IRGM: variants seen among roughly 807,000 people sequenced by gnomAD.
IRGM encodes the protein immunity related GTPase M.
For missense variants in IRGM, 288 were observed against 219.9 expected (o/e 1.31, Z -1.96); for synonymous variants, 98 against 80.6 (o/e 1.22, Z -1.16).
At chr5:150,855,281 A>ATTAAAAATAAATGTAATAATTGGCAGC (rs1310577913) in intron 1 of IRGM, among the ~76,000 whole-genome samples, 8 of 152,244 alleles carry the variant, frequency 5.3e-5, no homozygotes, top group African/African-American at 1.9e-4. Flanking sequence ...TTATTTTCTA[A>ATTAAAAATAAATGTAATAATTGGCAGC]TTAAAAATAA....
Position 150,848,089 on chromosome 5 carries a change from C to T in IRGM, c.-35C>T, listed in dbSNP as rs146896406. 6.8e-4 allele frequency: 1,024 copies of T among 1,497,344 alleles called. 6 individuals carry two copies. The African/African-American group carries it at 0.01, about 15-fold the overall frequency. The allele number at this position is 1,497,344 out of a possible 1,614,324, so 92.8% of individuals were successfully genotyped here. A position where few individuals can be genotyped will look rare whatever the true frequency, so the allele number is the denominator to read the frequency against. Reference sequence around the variant, plus strand: ...GTGCTGGGATTACAGGCATGAGCCACGGCGCCTGGCCAGCATTGGGGTATT... The same window carrying T: ...GTGCTGGGATTACAGGCATGAGCCATGGCGCCTGGCCAGCATTGGGGTATT... On this transcript the variant is annotated 5_prime_UTR_variant, in exon 2 of 2. The change creates a new upstream start codon in the 5' untranslated region. Transcript: ENST00000522154.
At chr5:150,871,284 A>T (rs965186229) in intron 1 of IRGM, among the ~76,000 whole-genome samples, 2 of 152,220 alleles carry the variant, frequency 1.3e-5, no homozygotes, top group African/African-American at 2.4e-5. Context: ...AATGAGATTT[A>T]AAAAGATTTT....
intron 1 of IRGM, among the ~76,000 whole-genome samples, chr5:150,857,597 C>T (rs1327487051): frequency 2.0e-5 from 3 of 150,094 alleles, no homozygotes; most frequent in Admixed American, 6.6e-5. Flanking sequence ...CCTGTTGTTT[C>T]CTGACTTTTT....
At chr5:150,858,716 G>T (rs1036318861) in intron 1 of IRGM, among the ~76,000 whole-genome samples, 1 of 151,990 alleles carries the variant, frequency 6.6e-6, no homozygotes, top group Admixed American at 6.6e-5. Context: ...CTCATGATTT[G>T]GCTCTCTGTT....
At chr5:150,894,635 A>C (rs1405869920) in intron 3 of IRGM, 1 of 152,294 alleles carries the variant, frequency 6.6e-6, no homozygotes, top group Admixed American at 6.6e-5. Flanking sequence ...AGATTTAAAA[A>C]GTACTAATAT....
intron 3 of IRGM, chr5:150,894,435 A>AAAATAAATCC (rs1357207976): frequency 6.6e-6 from 1 of 152,266 alleles, no homozygotes; most frequent in East Asian, 1.9e-4. Flanking sequence ...TAAGTATATG[A>AAAATAAATCC]AAATAAATCC....
intron 1 of IRGM, among the ~76,000 whole-genome samples, chr5:150,875,725 C>T (rs1014985041): frequency 2.0e-5 from 3 of 152,144 alleles, no homozygotes; most frequent in South Asian, 2.1e-4. Flanking sequence ...TTCCACTCAC[C>T]GAGGCTGACC....
chr5:150,857,192 T>A (rs938399537), intron 1 of IRGM, among the ~76,000 whole-genome samples: 2 of 152,108 alleles, frequency 1.3e-5, no homozygotes. Flanking sequence ...TTTGGTTTTT[T>A]GTCCTTGCGA....
intron 1 of IRGM, among the ~76,000 whole-genome samples, chr5:150,877,118 T>C (rs773199550): frequency 6.6e-6 from 1 of 152,154 alleles, no homozygotes; most frequent in Non-Finnish European, 1.5e-5. Context: ...AGATTATGTA[T>C]GGTTTCAGGA....
downstream of IRGM, among the ~76,000 whole-genome samples, chr5:150,848,976 T>C (rs1753931879): frequency 6.6e-6 from 1 of 151,840 alleles, no homozygotes; most frequent in Admixed American, 6.5e-5. Context: ...AACTGAGTCA[T>C]AATGAGGGTA....
intron 3 of IRGM, among the ~76,000 whole-genome samples, chr5:150,893,806 T>G (rs1561753227): frequency 6.6e-6 from 1 of 152,140 alleles, no homozygotes; most frequent in Non-Finnish European, 1.5e-5. Context: ...ACCCAAATGC[T>G]ACATAGTATT....
chr5:150,896,347 C>T, intron 3 of IRGM: 1 of 1,613,628 alleles, frequency 6.2e-7, no homozygotes, highest in South Asian at 1.1e-5. Context: ...GCACCACAAT[C>T]ATATGGTTTC....
At chr5:150,875,745 C>A (rs1189021218) in intron 1 of IRGM, among the ~76,000 whole-genome samples, 1 of 152,216 alleles carries the variant, frequency 6.6e-6, no homozygotes, top group South Asian at 2.1e-4. Flanking sequence ...CTGGCTACGG[C>A]CACTGCTGAG....
At chr5:150,867,638 A>AT (rs1754226018) in intron 1 of IRGM, among the ~76,000 whole-genome samples, 1 of 142,020 alleles carries the variant, frequency 7.0e-6, no homozygotes, top group Admixed American at 6.9e-5. Flanking sequence ...CCATGCCAAC[A>AT]TCTATTTTTT....
chr5:150,870,572 C>T (rs1299082820), intron 1 of IRGM, among the ~76,000 whole-genome samples: 1 of 148,120 alleles, frequency 6.8e-6, no homozygotes, highest in Non-Finnish European at 1.5e-5. Flanking sequence ...GCTCTTCCTG[C>T]TTTCAAGATG....
chr5:150,860,936 G>A (rs1352601255), intron 1 of IRGM, among the ~76,000 whole-genome samples: 1 of 151,920 alleles, frequency 6.6e-6, no homozygotes, highest in Non-Finnish European at 1.5e-5. Context: ...TTTAAATTTT[G>A]TCTTATCATG....
intron 1 of IRGM, among the ~76,000 whole-genome samples, chr5:150,875,442 G>A (rs973077163): frequency 6.6e-6 from 1 of 152,140 alleles, no homozygotes; most frequent in African/African-American, 2.4e-5. Flanking sequence ...AAATATGACT[G>A]GAAAATTAGT....
chr5:150,879,894 C>T (rs1644383980), intron 3 of IRGM, among the ~76,000 whole-genome samples: 1 of 152,122 alleles, frequency 6.6e-6, no homozygotes, highest in Admixed American at 6.6e-5. Flanking sequence ...TATTGTAAGA[C>T]TAAGGTGTGT....
intron 3 of IRGM, chr5:150,898,199 T>A (rs1754866018): frequency 3.7e-6 from 6 of 1,612,084 alleles, no homozygotes; most frequent in Non-Finnish European, 5.1e-6. Flanking sequence ...TAAACAGAAA[T>A]CACAGAGAAT....
Sources: allele counts gnomAD v4.1 joint callset (sites outside exome capture counted in the v4.1 genomes callset), GRCh38; gene constraint gnomAD v4.1.1; transcripts MANE v1.5; gene names NCBI Gene and HGNC (gene_info 2026-07-23, HGNC 2026-07-21).